SLC30A9: variants seen among roughly 807,000 people sequenced by gnomAD.
The protein encoded by SLC30A9 is proton-coupled zinc antiporter SLC30A9, mitochondrial.
In SLC30A9, 58 loss-of-function variants were observed where a neutral mutation model predicts 87.5. That is an observed-to-expected ratio of 0.66 (90% CI 0.54 to 0.82). SLC30A9 has a LOEUF of 0.82. SLC30A9 is among the 40% of genes least tolerant of loss of function. SLC30A9 has a pLI of 0.00. For missense variants in SLC30A9, 557 were observed against 679.1 expected (o/e 0.82, Z 2.00); for synonymous variants, 234 against 233.0 (o/e 1.00, Z -0.04).
intron 15 of SLC30A9, among the ~76,000 whole-genome samples, chr4:42,071,195 T>G (rs1012111769): frequency 1.3e-5 from 2 of 152,032 alleles, no homozygotes; most frequent in African/African-American, 4.8e-5. Context: ...AACTGGAGAC[T>G]TAGGAGATAA....
Position 42,078,250 on chromosome 4 carries a change from C to A in SLC30A9, c.1587C>A (p.Thr529=), listed in dbSNP as rs774462621. The A allele has an allele frequency of 1.5e-5, 23 of 1,580,196 alleles. No individual in the cohort carries two copies. The highest frequency in any genetic ancestry group is 1.9e-5 in the Non-Finnish European group (22 of 1,157,814). ...TGAAAACTCCTGAAGAACTAGAGACCTTTATGCTTAAACATGGAGAAAATA... is the reference window on the plus strand; with the variant it reads ...TGAAAACTCCTGAAGAACTAGAGACATTTATGCTTAAACATGGAGAAAATA... ...QEVKTPEELE[T]FMLKHGENII... The change falls in exon 17 of 18, where the codon ACC becomes ACA. Residue 529 remains threonine (T), a synonymous_variant. Transcript: ENST00000264451.
intron 17 of SLC30A9, among the ~76,000 whole-genome samples, chr4:42,082,932 A>G (rs1175517726): frequency 1.3e-5 from 2 of 152,098 alleles, no homozygotes; most frequent in South Asian, 2.1e-4. Context: ...ATAGATTCCC[A>G]TATTACAAGA....
intron 10 of SLC30A9, among the ~76,000 whole-genome samples, chr4:42,062,449 C>T (rs1293774453): frequency 6.6e-6 from 1 of 151,888 alleles, no homozygotes; most frequent in Non-Finnish European, 1.5e-5. Flanking sequence ...ATGAAAACAC[C>T]CAGAAAACTG....
At chr4:42,036,573 C>T (rs1394160576) in intron 7 of SLC30A9, among the ~76,000 whole-genome samples, 1 of 152,164 alleles carries the variant, frequency 6.6e-6, no homozygotes, top group Non-Finnish European at 1.5e-5. Flanking sequence ...AAGTTAATGT[C>T]ATATTTGGAT....
At chr4:42,055,488 G>A (rs982225904) in intron 9 of SLC30A9, among the ~76,000 whole-genome samples, 2 of 152,058 alleles carry the variant, frequency 1.3e-5, no homozygotes, top group African/African-American at 2.4e-5. Context: ...CCAGGTTCAC[G>A]CCATTCTCCT....
rs771016325 is a variant in SLC30A9 at position 42,070,641 on chromosome 4, A to G, written c.1368A>G (p.Pro456=). 3 of 1,614,104 alleles carry G rather than the reference A, an allele frequency of 1.9e-6. No homozygotes were observed. The African/African-American group carries it at 4.0e-5, about 22-fold the overall frequency. ...CACTCTTAGGGCGGTCCATCCAGCCAGAACAAGTACAACGGCTCACTGAAC... is the reference window on the plus strand; with the variant it reads ...CACTCTTAGGGCGGTCCATCCAGCCGGAACAAGTACAACGGCTCACTGAAC... The part of the protein sequence containing the change: ...TEALLGRSIQ[P]EQVQRLTELL... Residue 456 remains proline (P), a synonymous_variant, in exon 15 of 18, where the codon CCA becomes CCG. Coordinates refer to ENST00000264451, the MANE Select transcript of SLC30A9 (RefSeq NM_006345.4).
rs1714396086 is a variant in SLC30A9, at chr4:41,990,760, G to A, written c.109G>A (p.Glu37Lys). Reference sequence around the variant, plus strand: ...GGCCTGTAATCCCAGCGACCGCCAGGGTGAGTGTCCCGCGCTGGCCGCTGG... The same window carrying A: ...GGCCTGTAATCCCAGCGACCGCCAGAGTGAGTGTCCCGCGCTGGCCGCTGG... Reference protein sequence around the residue: ...AAACNPSDRQEWQNLVTFGSF... With the variant: ...AAACNPSDRQKWQNLVTFGSF... Residue 37 changes from glutamate (E) to lysine (K), a missense_variant and splice_region_variant, in exon 1 of 18, where the codon GAG (glutamate) becomes AAG (lysine). By Grantham distance (56) the Glu-to-Lys change is moderately conservative. Coordinates refer to ENST00000264451, the MANE Select transcript of SLC30A9 (RefSeq NM_006345.4). 1 of 1,607,344 alleles carries A rather than the reference G, an allele frequency of 6.2e-7. No individual in the cohort carries two copies. The highest frequency in any genetic ancestry group is 8.5e-7 in the Non-Finnish European group (1 of 1,176,424).
chr4:42,054,121 G>A (rs1359875064), intron 9 of SLC30A9, among the ~76,000 whole-genome samples: 3 of 152,078 alleles, frequency 2.0e-5, no homozygotes, highest in South Asian at 2.1e-4. Context: ...TTGGGAGGCC[G>A]AGGTGGGCGG....
chr4:42,060,125 G>A, intron 9 of SLC30A9, 66 bp from the exon 10 acceptor site: 2 of 1,225,212 alleles, frequency 1.6e-6, no homozygotes, highest in Non-Finnish European at 2.4e-6. Context: ...CCTCCACATT[G>A]GCTTTACCAT....
intron 2 of SLC30A9, among the ~76,000 whole-genome samples, chr4:42,010,385 G>T (rs1715387418): frequency 6.6e-6 from 1 of 152,086 alleles, no homozygotes; most frequent in South Asian, 2.1e-4. Context: ...GCCGAGACGG[G>T]AGGATCACTT....
At chr4:42,020,605 A>G (rs963131202) in intron 4 of SLC30A9, 90 bp downstream of exon 4, 30 of 632,838 alleles carry the variant, frequency 4.7e-5, no homozygotes, top group Admixed American at 1.3e-4. Context: ...GCTACCATCC[A>G]TATATGGAAA....
chr4:42,022,758 A>T, intron 4 of SLC30A9, 80 bp from the exon 5 acceptor site: 1 of 703,188 alleles, frequency 1.4e-6, no homozygotes, highest in South Asian at 2.5e-5. Flanking sequence ...TGTTGCTTTT[A>T]TCTGCCCTTA....
intron 3 of SLC30A9, chr4:42,018,421 T>C: frequency 7.7e-7 from 1 of 1,294,988 alleles, no homozygotes; most frequent in Non-Finnish European, 1.0e-6. Context: ...ATAAGAATCA[T>C]CAATTGCATT....
At chr4:42,050,300 A>G (rs560152297) in intron 9 of SLC30A9, among the ~76,000 whole-genome samples, 1 of 152,302 alleles carries the variant, frequency 6.6e-6, no homozygotes, top group South Asian at 2.1e-4. Flanking sequence ...CTTAATTTTT[A>G]TACTCAATAT....
Position 42,041,939 on chromosome 4 carries a change from C to G in SLC30A9, c.737+2886C>G, listed in dbSNP as rs927979741. Among the ~76,000 whole-genome samples the G allele has an allele frequency of 2.6e-5, 4 of 152,262 alleles. No homozygotes were observed. In the South Asian group the frequency reaches 8.3e-4, roughly 32 times the overall value. ...CGAAGCAGGGTGGGGCATTGCCTCA[C>G]CGGGGTAGTGCAAGGGGTCGGGGAA... On this transcript the variant is annotated intron_variant, in intron 8 of 17. Coordinates refer to ENST00000264451, the MANE Select transcript of SLC30A9 (RefSeq NM_006345.4).
chr4:41,993,251 CA>C (rs1454495213), intron 1 of SLC30A9, among the ~76,000 whole-genome samples: 2 of 151,348 alleles, frequency 1.3e-5, no homozygotes, highest in Non-Finnish European at 1.5e-5. Context: ...TAATCAATAT[CA>C]AAATTATTGA....
At chr4:42,004,085 A>G (rs1715095618) in intron 2 of SLC30A9, among the ~76,000 whole-genome samples, 1 of 152,140 alleles carries the variant, frequency 6.6e-6, no homozygotes, top group South Asian at 2.1e-4. Context: ...ATCCTATACA[A>G]GTTCGTTTAG....
chr4:41,997,513 C>T (rs1327015844), intron 1 of SLC30A9, among the ~76,000 whole-genome samples: 1 of 151,758 alleles, frequency 6.6e-6, no homozygotes, highest in Non-Finnish European at 1.5e-5. Context: ...ATGCATAATT[C>T]AGATATTTCA....
intron 14 of SLC30A9, 22 bp downstream of exon 14, chr4:42,067,214 G>A (rs1489121837): frequency 7.3e-7 from 1 of 1,365,174 alleles, no homozygotes; most frequent in African/African-American, 1.4e-5. Context: ...TTAAATTACA[G>A]GTGATTTATT....
Sources: gnomAD v4.1 joint callset for allele counts (sites outside exome capture counted in the v4.1 genomes callset) on GRCh38, gnomAD v4.1.1 for gene constraint, MANE v1.5 for transcripts, NCBI Gene and HGNC (gene_info 2026-07-23, HGNC 2026-07-21) for gene names.